ATP6V0D1: variants seen among roughly 807,000 people sequenced by gnomAD.
ATP6V0D1 encodes the protein V-type proton ATPase subunit d 1.
Under a neutral mutation model 39.0 loss-of-function variants are expected in ATP6V0D1, and 13 were observed. The observed-to-expected ratio is 0.33, with a 90% CI of 0.22 to 0.53. The LOEUF is 0.53. Ranked by LOEUF, ATP6V0D1 falls within the 20% of genes least tolerant of loss-of-function variation. The pLI is 0.94. For missense variants in ATP6V0D1, 272 were observed against 470.9 expected (o/e 0.58, Z 3.91); for synonymous variants, 191 against 191.2 (o/e 1.00, Z 0.01).
intron 4 of ATP6V0D1, chr16:67,439,757 C>T (rs1259630764): frequency 8.1e-6 from 2 of 245,684 alleles, no homozygotes; most frequent in Non-Finnish European, 1.6e-5. Flanking sequence ...CGCAGTGGCT[C>T]ACGCCTGTAA....
At chr16:67,474,610 T>C (rs1169009354) in intron 1 of ATP6V0D1, among the ~76,000 whole-genome samples, 2 of 152,220 alleles carry the variant, frequency 1.3e-5, no homozygotes, top group Non-Finnish European at 2.9e-5. Flanking sequence ...GGCAGGACCA[T>C]CATTTTCCCC....
intron 2 of ATP6V0D1, chr16:67,445,737 C>A (rs911287265): frequency 1.4e-5 from 5 of 359,906 alleles, no homozygotes; most frequent in Middle Eastern, 5.9e-4. Flanking sequence ...CTGCCCAGTT[C>A]AGACTTGGCA....
At chr16:67,452,500 G>T in intron 2 of ATP6V0D1, 1 of 1,125,100 alleles carries the variant, frequency 8.9e-7, no homozygotes, top group Non-Finnish European at 1.3e-6. Context: ...GGGCAGGTGT[G>T]CCAGGTCCCA....
At position 67,481,026 on chromosome 16, in the gene ATP6V0D1, G is replaced by C; in HGVS notation, c.61C>G (p.Arg21Gly). Reference protein sequence around the residue: ...VDNGYLEGLVRGLKAGVLSQA... With the variant: ...VDNGYLEGLVGGLKAGVLSQA... Reference sequence around the variant, plus strand: ...CTGAGCACCCCGGCCTTCAGGCCGCGCACCAGTCCCTCCAAGTAGCCATTG... The same window carrying C: ...CTGAGCACCCCGGCCTTCAGGCCGCCCACCAGTCCCTCCAAGTAGCCATTG... The change falls in exon 1 of 8, where the codon CGC becomes GGC. Residue 21 changes from arginine to glycine, a missense_variant. Physicochemically the swap from Arg to Gly is moderately radical, Grantham distance 125. Around this residue, in one of 4 missense-constraint regions of ATP6V0D1, gnomAD observed 81 missense variants for 96.0 expected, o/e 0.84. Coordinates refer to ENST00000290949, the MANE Select transcript of ATP6V0D1 (RefSeq NM_004691.5). 1 of 1,614,202 alleles carries C rather than the reference G, an allele frequency of 6.2e-7. No homozygotes were observed. The highest frequency in any genetic ancestry group is 2.2e-5 in the East Asian group (1 of 44,886).
chr16:67,461,659 C>T (rs2041290212), intron 1 of ATP6V0D1, among the ~76,000 whole-genome samples: 1 of 152,210 alleles, frequency 6.6e-6, no homozygotes, highest in South Asian at 2.1e-4. Flanking sequence ...TCTCCTTCCT[C>T]GGTCCCTGGA....
chr16:67,478,937 T>C (rs1376406855), intron 1 of ATP6V0D1, among the ~76,000 whole-genome samples: 1 of 150,576 alleles, frequency 6.6e-6, no homozygotes, highest in Non-Finnish European at 1.5e-5. Flanking sequence ...ATCAATGATG[T>C]TCACCTTAGA....
intron 1 of ATP6V0D1, among the ~76,000 whole-genome samples, chr16:67,472,064 C>G (rs376692571): frequency 2.0e-5 from 3 of 152,164 alleles, no homozygotes; most frequent in African/African-American, 4.8e-5. Context: ...AACCTCCCCC[C>G]TGCCTAGCCC....
chr16:67,459,792 C>G (rs1310840654), intron 1 of ATP6V0D1, among the ~76,000 whole-genome samples: 1 of 152,260 alleles, frequency 6.6e-6, no homozygotes, highest in Non-Finnish European at 1.5e-5. Flanking sequence ...CATAGGGAGG[C>G]AGAAAGGAGG....
intron 1 of ATP6V0D1, among the ~76,000 whole-genome samples, chr16:67,468,175 C>CA (rs2041345240): frequency 6.6e-6 from 1 of 152,122 alleles, no homozygotes; most frequent in Non-Finnish European, 1.5e-5. Flanking sequence ...CCTGTACTCC[C>CA]AGCTACTTGG....
chr16:67,444,732 A>C lies in ATP6V0D1; in HGVS notation c.303-26T>G, dbSNP rs764428255. 7.1e-6 allele frequency: 11 copies of C among 1,560,140 alleles called. No individual in the cohort carries two copies. The highest frequency in any genetic ancestry group is 9.6e-6 in the Non-Finnish European group (11 of 1,149,198). ...CTACAGGGGGCAGGCAATAGCAAGG[A>C]GCCCATCAAGGTGGGGGCCGGGAAG... is the stretch of plus-strand genomic sequence containing the variant. On this transcript the variant is annotated intron_variant, in intron 2 of 7. Transcript: ENST00000290949. This position sits in a 1 kb window ranked among gnomAD's most constrained non-coding sequence, Gnocchi z 4.8.
intron 2 of ATP6V0D1, among the ~76,000 whole-genome samples, chr16:67,451,721 T>A (rs2041183260): frequency 1.3e-5 from 2 of 152,090 alleles, no homozygotes; most frequent in South Asian, 4.1e-4. Context: ...CACCCATGAA[T>A]GGAAGGGGTG....
chr16:67,439,228 C>A (rs1156392293), intron 5 of ATP6V0D1, 46 bp downstream of exon 5: 1 of 1,613,938 alleles, frequency 6.2e-7, no homozygotes, highest in Non-Finnish European at 8.5e-7. Flanking sequence ...CTCCCCAGGC[C>A]AGGGCTAGCG....
At chr16:67,445,750 G>A (rs1380812667) in intron 2 of ATP6V0D1, 18 of 371,966 alleles carry the variant, frequency 4.8e-5, no homozygotes, top group Non-Finnish European at 8.2e-5. Context: ...ACTTGGCAAG[G>A]GACAAGGCTC....
At chr16:67,452,263 A>G in intron 2 of ATP6V0D1, 1 of 1,535,572 alleles carries the variant, frequency 6.5e-7, no homozygotes, top group Admixed American at 2.0e-5. Flanking sequence ...GGCAGCAAGG[A>G]GACTCTCAGG....
intron 1 of ATP6V0D1, among the ~76,000 whole-genome samples, chr16:67,471,818 T>C (rs956303681): frequency 2.6e-5 from 4 of 151,518 alleles, no homozygotes; most frequent in Non-Finnish European, 4.4e-5. Context: ...TTTTTAGAGA[T>C]TGGGCCGGGG....
In ATP6V0D1 at chr16:67,444,405, A is replaced by G; in HGVS notation, c.481+123T>C. On this transcript the variant is annotated intron_variant, in intron 3 of 7. Transcript: ENST00000290949. The surrounding 1 kb of genome is among the most constrained non-coding windows in gnomAD (Gnocchi z 4.8). ...AGGAAGTTGAAGGGAGACAAAGGTA[A>G]GCAGCAGTGGGCAGGTCTCACTTTC... 1.0e-6 allele frequency: 1 copy of G among 1,000,838 alleles called. No individual in the cohort carries two copies. Among genetic ancestry groups the G allele is most frequent in the South Asian group, 1.7e-5 (1 of 58,138 alleles). 62.0% of individuals were successfully genotyped at this position (1,000,838 alleles called of 1,614,324 possible).
At chr16:67,472,728 G>A (rs966507029) in intron 1 of ATP6V0D1, among the ~76,000 whole-genome samples, 38 of 152,190 alleles carry the variant, frequency 2.5e-4, no homozygotes, top group African/African-American at 8.7e-4. Context: ...AAATTTGCCG[G>A]GCGTGGTGGC....
intron 1 of ATP6V0D1, among the ~76,000 whole-genome samples, chr16:67,476,901 C>T (rs562594784): frequency 1.7e-4 from 26 of 151,476 alleles, no homozygotes; most frequent in Non-Finnish European, 2.9e-4. Context: ...AGCCAGGTGG[C>T]GGGTGCCTGT....
At chr16:67,452,537 A>T in intron 2 of ATP6V0D1, 1 of 772,390 alleles carries the variant, frequency 1.3e-6, no homozygotes, top group South Asian at 1.5e-5. Flanking sequence ...CACCATAATC[A>T]AGGAATGGTA....
Sources: gnomAD v4.1 joint callset for allele counts (sites outside exome capture counted in the v4.1 genomes callset) on GRCh38, gnomAD v4.1.1 for gene constraint, gnomAD v4.1.1 regional missense constraint, Gnocchi (gnomAD v3.1) non-coding constraint, MANE v1.5 for transcripts, NCBI Gene and HGNC (gene_info 2026-07-23, HGNC 2026-07-21) for gene names.